The following ARIH2 variants were observed in gnomAD, a reference collection of about 807,000 sequenced individuals.
ARIH2 encodes E3 ubiquitin-protein ligase ARIH2.
ARIH2 carries 12 observed loss-of-function variants against 79.8 expected under a neutral mutation model. The observed-to-expected ratio is 0.15, with a 90% CI of 0.10 to 0.24. The LOEUF (loss-of-function observed/expected upper bound fraction) is 0.24, where lower values mean the gene tolerates loss of function less well. Among genes scored for constraint, ARIH2 ranks in the 10% least tolerant of loss-of-function variants. The pLI, the probability that ARIH2 is intolerant of heterozygous loss-of-function variation, is 1.00. For synonymous variants in ARIH2, 224 were observed against 213.9 expected, an observed-to-expected ratio of 1.05 and a Z score of -0.41; for missense variants, 301 against 618.3, an observed-to-expected ratio of 0.49 and a Z score of 5.44.
chr3:48,977,985 G>A (rs369220838), intron 11 of ARIH2, among the ~76,000 whole-genome samples: 12 of 152,230 alleles, frequency 7.9e-5, no homozygotes, highest in African/African-American at 2.9e-4. Flanking sequence ...ACCATTGTCA[G>A]GGTCTGGAAG....
At chr3:48,970,205 T>A (rs6446198) in intron 7 of ARIH2, among the ~76,000 whole-genome samples, 102,545 of 151,864 alleles carry the variant, frequency 0.68, 35,173 homozygotes, top group East Asian at 0.96. Context: ...TTATTTTTTA[T>A]TTTTTTCAGA....
intron 11 of ARIH2, 128 bp from the exon 12 acceptor site, chr3:48,979,354 G>C: frequency 1.1e-6 from 1 of 920,276 alleles, no homozygotes. Context: ...TCGGGAAAGA[G>C]GCACCCTTGG....
In ARIH2 at chr3:48,984,857, A is replaced by G. The variant is rs1281655655; in HGVS notation, c.*1587A>G. 1 of 152,242 alleles carries G rather than the reference A, an allele frequency of 6.6e-6. No homozygotes were observed. The highest frequency in any genetic ancestry group is 1.5e-5 in the Non-Finnish European group (1 of 68,048). The allele number at this position is 152,242 out of a possible 1,614,324, so 9.4% of individuals were successfully genotyped here. The stretch of plus-strand genomic sequence containing the variant: ...ACAGAGGATAGCTGTGACTCATGGG[A>G]TCATGAGGTCCATGGCTGGTTGCAG... On this transcript the variant is annotated 3_prime_UTR_variant, in exon 16 of 16. Coordinates refer to ENST00000356401, the MANE Select transcript of ARIH2 (RefSeq NM_006321.4).
intron 1 of ARIH2, chr3:48,922,475 C>G (rs1023836470): frequency 1.3e-5 from 2 of 152,094 alleles, no homozygotes; most frequent in Non-Finnish European, 2.9e-5. Flanking sequence ...TCAGGTGATC[C>G]ACCTGCCTTG....
chr3:48,957,564 C>G (rs549631508), intron 3 of ARIH2, among the ~76,000 whole-genome samples: 7 of 152,216 alleles, frequency 4.6e-5, no homozygotes, highest in African/African-American at 1.7e-4. Flanking sequence ...TTTGCTAGGA[C>G]TTGGTGGTCA....
chr3:48,983,085 G>T, intron 15 of ARIH2, 106 bp downstream of exon 15: 1 of 1,496,840 alleles, frequency 6.7e-7, no homozygotes, highest in Non-Finnish European at 9.3e-7. Flanking sequence ...TGCTAAGAAT[G>T]GGAAGGGCAG....
At chr3:48,981,960 T>G (rs898676677) in intron 14 of ARIH2, among the ~76,000 whole-genome samples, 7 of 152,212 alleles carry the variant, frequency 4.6e-5, no homozygotes, top group Non-Finnish European at 7.3e-5. Context: ...ACAACTGTAT[T>G]TAAAGGGCGA....
At position 48,970,577 on chromosome 3, in the gene ARIH2, C is replaced by T; in HGVS notation, c.661-18C>T. 2 of 1,564,786 alleles carry T rather than the reference C, an allele frequency of 1.3e-6. No homozygotes were observed. The highest frequency in any genetic ancestry group is 1.1e-5 in the South Asian group (1 of 89,986). ...AACTAAGAGATGTCCTCATTGTTTCCTCTTGGTGTGTTCACAGAGTCATTA... is the reference window on the plus strand; with the variant it reads ...AACTAAGAGATGTCCTCATTGTTTCTTCTTGGTGTGTTCACAGAGTCATTA... On this transcript the variant is annotated intron_variant, in intron 7 of 15. Transcript: ENST00000356401.
At chr3:48,926,971 T>C (rs904827103) in intron 2 of ARIH2, 3 of 153,804 alleles carry the variant, frequency 2.0e-5, no homozygotes, top group Non-Finnish European at 4.3e-5. Flanking sequence ...CACCTAAAAG[T>C]AATGTCTGTG....
intron 3 of ARIH2, among the ~76,000 whole-genome samples, chr3:48,942,943 G>T (rs2088545710): frequency 6.6e-6 from 1 of 151,896 alleles, no homozygotes; most frequent in Non-Finnish European, 1.5e-5. Context: ...GAGTCACCGT[G>T]CCTGGCCCTA....
chr3:48,944,945 C>A, intron 3 of ARIH2: 1 of 400,596 alleles, frequency 2.5e-6, no homozygotes, highest in Non-Finnish European at 4.7e-6. Context: ...AGAAGCTGGC[C>A]CACAGTTCAC....
chr3:48,928,082 A>G, intron 3 of ARIH2: 2 of 438,878 alleles, frequency 4.6e-6, no homozygotes, highest in Admixed American at 4.1e-5. Flanking sequence ...AGAAATGTGT[A>G]GTAGCAGAAT....
chr3:48,975,163 TATA>T (rs1199969873), intron 11 of ARIH2, 184 bp downstream of exon 11: 59 of 945,234 alleles, frequency 6.2e-5, no homozygotes, highest in Admixed American at 3.8e-4. Flanking sequence ...TGGTCCCTCT[TATA>T]ATCCCACTGC....
intron 3 of ARIH2, chr3:48,935,074 A>G: frequency 1.9e-6 from 1 of 519,326 alleles, no homozygotes; most frequent in South Asian, 8.4e-5. Context: ...CATTAACCTA[A>G]AATAAGTTTT....
chr3:48,985,556 T>C lies in ARIH2; in HGVS notation c.*2286T>C, dbSNP rs2092884430. 6.6e-6 allele frequency: 1 copy of C among 152,210 alleles called. No individual in the cohort carries two copies. Among genetic ancestry groups the C allele is most frequent in the Non-Finnish European group, 1.5e-5 (1 of 68,036 alleles). 9.4% of individuals were successfully genotyped at this position (152,210 alleles called of 1,614,324 possible). ...GATTATAAAAATGTGTCTAGAGTCT[T>C]TCTTCATGGGGTCTAGGTAGTCTTC... is the stretch of plus-strand genomic sequence containing the variant. On this transcript the variant is annotated 3_prime_UTR_variant, in exon 16 of 16. Coordinates refer to ENST00000356401, the MANE Select transcript of ARIH2 (RefSeq NM_006321.4).
At chr3:48,931,868 G>A (rs2086412913) in intron 3 of ARIH2, among the ~76,000 whole-genome samples, 1 of 152,070 alleles carries the variant, frequency 6.6e-6, no homozygotes, top group African/African-American at 2.4e-5. Flanking sequence ...AATTAGCCAG[G>A]CGTGGTGGTG....
chr3:48,945,867 C>T (rs1435821301), intron 3 of ARIH2, among the ~76,000 whole-genome samples: 1 of 152,230 alleles, frequency 6.6e-6, no homozygotes, highest in Non-Finnish European at 1.5e-5. Context: ...AATTGCTAGT[C>T]TAAACCCACA....
At chr3:48,970,119 T>C (rs2092112109) in intron 7 of ARIH2, among the ~76,000 whole-genome samples, 1 of 152,136 alleles carries the variant, frequency 6.6e-6, no homozygotes, top group Non-Finnish European at 1.5e-5. Flanking sequence ...CTCAAACTCC[T>C]GACCTCAGGT....
At chr3:48,973,318 C>T (rs2092340550) in intron 8 of ARIH2, among the ~76,000 whole-genome samples, 1 of 152,272 alleles carries the variant, frequency 6.6e-6, no homozygotes, top group South Asian at 2.1e-4. Flanking sequence ...TGGCTCACGC[C>T]TGTAATCCCA....
Sources: gnomAD v4.1 joint callset for allele counts (sites outside exome capture counted in the v4.1 genomes callset) on GRCh38, gnomAD v4.1.1 for gene constraint, MANE v1.5 for transcripts, NCBI Gene and HGNC (gene_info 2026-07-23, HGNC 2026-07-21) for gene names.